SIM1: variants seen among roughly 807,000 people sequenced by gnomAD.
SIM1 encodes SIM bHLH transcription factor 1.
SIM1 carries 18 observed loss-of-function variants against 78.2 expected under a neutral mutation model. The ratio of observed to expected loss-of-function variants is 0.23; its 90% CI spans 0.16 to 0.34. The LOEUF (loss-of-function observed/expected upper bound fraction) is 0.34. Ranked by LOEUF, SIM1 falls within the 10% of genes least tolerant of loss-of-function variation. SIM1 has a pLI of 1.00. For missense variants in SIM1, 939 were observed against 975.1 expected (o/e 0.96, Z 0.49); for synonymous variants, 417 against 385.2 (o/e 1.08, Z -0.97).
chr6:100,385,245 A>G lies in SIM1; in HGVS notation c.*5116T>C, dbSNP rs1770490618. ...ATGTCACTAAAAACTATACATTGCAAGACGGTATTTGAAATATTGGCGATC... is the reference window on the plus strand; with the variant it reads ...ATGTCACTAAAAACTATACATTGCAGGACGGTATTTGAAATATTGGCGATC... On this transcript the variant is annotated 3_prime_UTR_variant, in exon 12 of 12. Transcript: ENST00000369208. The G allele has an allele frequency of 6.6e-6, 1 of 152,122 alleles. No homozygotes were observed. Among genetic ancestry groups the G allele is most frequent in the African/African-American group, 2.4e-5 (1 of 41,446 alleles). 9.4% of individuals were successfully genotyped at this position (152,122 alleles called of 1,614,324 possible).
intron 10 of SIM1, among the ~76,000 whole-genome samples, chr6:100,404,543 T>C (rs1247058800): frequency 6.6e-6 from 1 of 152,006 alleles, no homozygotes; most frequent in Non-Finnish European, 1.5e-5. Context: ...ATCACTTTTA[T>C]CTTTTTTTTT....
chr6:100,396,042 T>C (rs1211044585), intron 10 of SIM1: 4 of 973,896 alleles, frequency 4.1e-6, no homozygotes, highest in Non-Finnish European at 4.9e-6. Context: ...CAAGGCATCC[T>C]GGGGCTCGGT....
At chr6:100,447,196 T>G in intron 9 of SIM1, 72 bp downstream of exon 9, 1 of 1,545,016 alleles carries the variant, frequency 6.5e-7, no homozygotes, top group Non-Finnish European at 8.8e-7. Context: ...AACCCGGCCG[T>G]GCCGCCACCC....
At chr6:100,443,688 C>T (rs1772275854) in intron 9 of SIM1, among the ~76,000 whole-genome samples, 1 of 151,990 alleles carries the variant, frequency 6.6e-6, no homozygotes, top group Admixed American at 6.6e-5. Context: ...TAATTTTTAA[C>T]ATTTTAAATG....
chr6:100,458,054 C>T (rs937633364), intron 2 of SIM1, among the ~76,000 whole-genome samples: 2 of 131,488 alleles, frequency 1.5e-5, no homozygotes, highest in African/African-American at 5.9e-5. Context: ...CTCTCTCTCT[C>T]TCTCTCTCTC....
In SIM1 at chr6:100,397,230, G is replaced by C. The variant is rs569224727; in HGVS notation, c.1168-3341C>G. 6.6e-5 allele frequency among the ~76,000 whole-genome samples: 10 copies of C among 152,224 alleles called. No homozygotes were observed. The East Asian group carries it at 1.9e-3, about 29-fold the overall frequency. ...GTCAATGAATTATTATATTCTAGAG[G>C]CTTCTGAGTTTGAAGGATAATGGCA... On this transcript the variant is annotated intron_variant, in intron 10 of 11. Transcript: ENST00000369208.
chr6:100,448,447 A>T lies in SIM1; in HGVS notation c.743+32T>A, dbSNP rs377605969. On this transcript the variant is annotated intron_variant, in intron 7 of 11. Coordinates refer to ENST00000369208, the MANE Select transcript of SIM1 (RefSeq NM_005068.3). The stretch of plus-strand genomic sequence containing the variant: ...CACTAAGCAGGGCCGCCCTCAGGCT[A>T]GGAGAGGCCCTTTCCGGCCCTGCCC... The T allele has an allele frequency of 2.2e-5, 35 of 1,603,194 alleles. No individual in the cohort carries two copies. In the East Asian group the frequency reaches 6.0e-4, roughly 28 times the overall value.
intron 2 of SIM1, among the ~76,000 whole-genome samples, chr6:100,456,370 C>T (rs1394797743): frequency 1.3e-5 from 2 of 152,150 alleles, no homozygotes; most frequent in African/African-American, 4.8e-5. Flanking sequence ...TGCACTTGAC[C>T]TACCGCAGAA....
chr6:100,424,191 A>C (rs1379160056), intron 9 of SIM1, among the ~76,000 whole-genome samples: 1 of 151,622 alleles, frequency 6.6e-6, no homozygotes, highest in Non-Finnish European at 1.5e-5. Context: ...AAACCAAGAC[A>C]TGGTTTTAAA....
rs191934563 is a variant in SIM1, at chr6:100,392,128, C to T, written c.1571-1037G>A. Among the ~76,000 whole-genome samples the T allele has an allele frequency of 1.4e-3, 218 of 152,262 alleles. 1 individual carries two copies. The highest frequency in any genetic ancestry group is 4.4e-3 in the African/African-American group (185 of 41,574). The stretch of plus-strand genomic sequence containing the variant: ...GGCAGAGGTTGCAGTGAGCCGAGAT[C>T]GCGCCATTGCACTCCAGCCTAGGCG... On this transcript the variant is annotated intron_variant, in intron 11 of 11. Coordinates refer to ENST00000369208, the MANE Select transcript of SIM1 (RefSeq NM_005068.3).
In SIM1 at chr6:100,422,772, A is replaced by G. The variant is rs377308744; in HGVS notation, c.999-1814T>C. Among the ~76,000 whole-genome samples, 97 of 152,324 alleles carry G rather than the reference A, an allele frequency of 6.4e-4. 1 individual carries two copies. The highest frequency in any genetic ancestry group is 6.8e-3 in the Middle Eastern group (2 of 294). ...TTGATTTAGATTTTCCACAATGTAT[A>G]CATACATTGAAACATCATGTTGTAC... On this transcript the variant is annotated intron_variant, in intron 9 of 11. Coordinates refer to ENST00000369208, the MANE Select transcript of SIM1 (RefSeq NM_005068.3).
rs113396646 is a variant in SIM1 at position 100,458,773 on chromosome 6, A to T, written c.175+4521T>A. Among the ~76,000 whole-genome samples the T allele has an allele frequency of 9.5e-3, 1,450 of 152,320 alleles. 25 individuals carry two copies. Among genetic ancestry groups the T allele is most frequent in the African/African-American group, 0.033 (1,374 of 41,568 alleles). ...CCCTGCGCCGCCGAGGCCGAGTGAC[A>T]AGGCGCAGGAACCGCCTATTCGGTG... On this transcript the variant is annotated intron_variant, in intron 2 of 11. Transcript: ENST00000369208.
At chr6:100,411,661 G>A (rs988572697) in intron 10 of SIM1, among the ~76,000 whole-genome samples, 1 of 152,094 alleles carries the variant, frequency 6.6e-6, no homozygotes, top group Admixed American at 6.5e-5. Context: ...GGATGCTGGG[G>A]AATGGAGGGG....
chr6:100,423,958 T>C lies in SIM1; in HGVS notation c.999-3000A>G, dbSNP rs374108164. 6.8e-4 allele frequency among the ~76,000 whole-genome samples: 104 copies of C among 152,260 alleles called. 4 individuals carry two copies. The South Asian group carries it at 0.019, about 28-fold the overall frequency. Reference sequence around the variant, plus strand: ...ACCCATGAAAGTTTGGCCAAATAACTTGGTAAACCCATTCCTAATGCTGCA... The same window carrying C: ...ACCCATGAAAGTTTGGCCAAATAACCTGGTAAACCCATTCCTAATGCTGCA... On this transcript the variant is annotated intron_variant, in intron 9 of 11. Transcript: ENST00000369208.
chr6:100,440,946 T>G (rs1001773993), intron 9 of SIM1, among the ~76,000 whole-genome samples: 2 of 150,876 alleles, frequency 1.3e-5, no homozygotes, highest in Non-Finnish European at 2.9e-5. Flanking sequence ...TTTTCTGGAG[T>G]TCAAGTAAAG....
rs113842115 is a variant in SIM1, at chr6:100,407,793, T to A, written c.1167+12997A>T. On this transcript the variant is annotated intron_variant, in intron 10 of 11. Coordinates refer to ENST00000369208, the MANE Select transcript of SIM1 (RefSeq NM_005068.3). ...TCCTTTGCTCATTTTTAATCAAATA[T>A]TTCCTTCTTCTTTTCTTTCTTTTTT... 3.1e-3 allele frequency among the ~76,000 whole-genome samples: 469 copies of A among 152,136 alleles called. 1 individual carries two copies. Among genetic ancestry groups the A allele is most frequent in the African/African-American group, 0.011 (454 of 41,536 alleles).
At chr6:100,461,686 A>G (rs1425867799) in intron 2 of SIM1, among the ~76,000 whole-genome samples, 2 of 152,224 alleles carry the variant, frequency 1.3e-5, no homozygotes, top group African/African-American at 2.4e-5. Context: ...AGGCGCTGAC[A>G]GTATAAAAGA....
rs762107149 is a variant in SIM1, at chr6:100,390,483, T to A, written c.2179A>T (p.Ile727Phe). The change falls in exon 12 of 12, where the codon ATT (isoleucine) becomes TTT (phenylalanine). Residue 727 changes from isoleucine to phenylalanine, a missense_variant. By Grantham distance (21) the Ile-to-Phe change is conservative. Transcript: ENST00000369208. ...ALEHLYDSET[I>F]RNYSLGCNGS... ...TTACAGCCCAAGGAATAGTTTCTAA[T>A]GGTTTCGCTGTCATATAAGTGCTCC... The A allele has an allele frequency of 1.2e-6, 2 of 1,614,066 alleles. No homozygotes were observed. Among genetic ancestry groups the A allele is most frequent in the African/African-American group, 2.7e-5 (2 of 74,928 alleles).
chr6:100,399,539 C>A (rs1178795564), intron 10 of SIM1, among the ~76,000 whole-genome samples: 1 of 152,006 alleles, frequency 6.6e-6, no homozygotes, highest in Non-Finnish European at 1.5e-5. Context: ...AATGCAATAT[C>A]CTGGTTGTGA....
Sources: gnomAD v4.1 joint callset for allele counts (sites outside exome capture counted in the v4.1 genomes callset) on GRCh38, gnomAD v4.1.1 for gene constraint, MANE v1.5 for transcripts, NCBI Gene and HGNC (gene_info 2026-07-23, HGNC 2026-07-21) for gene names.